Variants in ELOVL2 observed in about 807,000 individuals in gnomAD.
The protein encoded by ELOVL2 is very long chain fatty acid elongase 2.
In ELOVL2, 38 loss-of-function variants were observed where a neutral mutation model predicts 37.7. That is an observed-to-expected ratio of 1.01 (90% CI 0.78 to 1.32). ELOVL2 has a LOEUF of 1.32. ELOVL2 is among the 40% of genes most tolerant of loss of function. The probability of loss-of-function intolerance (pLI) is 0.00; values close to 1 mark genes in which losing one functional copy is unlikely to be tolerated. For synonymous variants in ELOVL2, 115 were observed against 122.3 expected (o/e 0.94, Z 0.40); for missense variants, 352 against 363.6 (o/e 0.97, Z 0.26).
chr6:11,021,899 G>C (rs1437838414), intron 1 of ELOVL2, among the ~76,000 whole-genome samples: 2 of 152,172 alleles, frequency 1.3e-5, no homozygotes, highest in Non-Finnish European at 2.9e-5. Flanking sequence ...CTACGCTTGA[G>C]AGGGAGCTCA....
intron 1 of ELOVL2, among the ~76,000 whole-genome samples, chr6:11,022,041 G>T (rs1422780016): frequency 6.6e-6 from 1 of 152,174 alleles, no homozygotes; most frequent in African/African-American, 2.4e-5. Flanking sequence ...ATTCTTCATG[G>T]CTCCATTCCC....
Position 11,013,994 on chromosome 6 carries a change from C to T in ELOVL2, c.4-3185G>A, listed in dbSNP as rs116184934. Among the ~76,000 whole-genome samples, 431 of 152,286 alleles carry T rather than the reference C, an allele frequency of 2.8e-3. 1 individual carries two copies. Among genetic ancestry groups the T allele is most frequent in the Non-Finnish European group, 4.6e-3 (316 of 68,024 alleles). Reference sequence around the variant, plus strand: ...TCTCTGCGAAATAACCCTAGATCCACTTCCAGAACAACTCCTTGCCCTTAC... The same window carrying T: ...TCTCTGCGAAATAACCCTAGATCCATTTCCAGAACAACTCCTTGCCCTTAC... On this transcript the variant is annotated intron_variant, in intron 1 of 7. Coordinates refer to ENST00000354666, the MANE Select transcript of ELOVL2 (RefSeq NM_017770.4).
chr6:11,036,407 AT>A (rs964511259), intron 1 of ELOVL2, among the ~76,000 whole-genome samples: 3 of 152,062 alleles, frequency 2.0e-5, no homozygotes, highest in South Asian at 4.2e-4. Context: ...GATATATGCC[AT>A]TTTTTTTAGG....
At chr6:11,014,985 A>G (rs539637728) in intron 1 of ELOVL2, among the ~76,000 whole-genome samples, 1 of 152,236 alleles carries the variant, frequency 6.6e-6, no homozygotes. Flanking sequence ...ATGTCCATCA[A>G]CAGGTGACAA....
chr6:10,992,183 G>A (rs978335199), intron 5 of ELOVL2, among the ~76,000 whole-genome samples: 11 of 152,052 alleles, frequency 7.2e-5, no homozygotes, highest in African/African-American at 2.4e-4. Flanking sequence ...TCTTCCCCCT[G>A]CACTCACAGC....
intron 1 of ELOVL2, among the ~76,000 whole-genome samples, chr6:11,036,664 T>C (rs886428660): frequency 1.3e-5 from 2 of 152,164 alleles, no homozygotes; most frequent in African/African-American, 4.8e-5. Flanking sequence ...TCAAGGAAGC[T>C]ACAGATCCAA....
At chr6:10,987,315 A>AT (rs530813422) in intron 7 of ELOVL2, among the ~76,000 whole-genome samples, 79 of 152,056 alleles carry the variant, frequency 5.2e-4, no homozygotes, top group Non-Finnish European at 9.6e-4. Flanking sequence ...GGATTCATTG[A>AT]TTTTTTGAAG....
At chr6:10,987,905 C>G (rs1438126058) in intron 7 of ELOVL2, among the ~76,000 whole-genome samples, 4 of 150,224 alleles carry the variant, frequency 2.7e-5, no homozygotes, top group Non-Finnish European at 5.9e-5. Context: ...TTTTTTAAAG[C>G]AATAGTATTA....
At chr6:10,990,188 A>G (rs897775764) in intron 6 of ELOVL2, 130 bp downstream of exon 6, 2 of 1,175,462 alleles carry the variant, frequency 1.7e-6, no homozygotes, top group Non-Finnish European at 2.4e-6. Context: ...TTTAATTCTT[A>G]AAAGGCCAAT....
intron 2 of ELOVL2, among the ~76,000 whole-genome samples, chr6:11,006,322 A>G (rs926309894): frequency 6.6e-6 from 1 of 152,254 alleles, no homozygotes; most frequent in Non-Finnish European, 1.5e-5. Flanking sequence ...CTTACACTGC[A>G]GAGTGAATAT....
chr6:10,994,451 AGAGT>A lies in ELOVL2; in HGVS notation c.505+552_505+555del, dbSNP rs551911572. On this transcript the variant is annotated intron_variant, in intron 5 of 7. Coordinates refer to ENST00000354666, the MANE Select transcript of ELOVL2 (RefSeq NM_017770.4). ...CCACTGCACTCCAGCCTGGGCAACA[AGAGT>A]GAAATTCCATCTCAAAAAAAAAAAA... is the stretch of plus-strand genomic sequence containing the variant. Among the ~76,000 whole-genome samples the A allele has an allele frequency of 3.8e-3, 564 of 147,800 alleles. 4 individuals carry two copies. Among genetic ancestry groups the A allele is most frequent in the Non-Finnish European group, 5.7e-3 (386 of 67,354 alleles).
intron 6 of ELOVL2, 81 bp downstream of exon 6, chr6:10,990,237 G>A: frequency 3.2e-6 from 5 of 1,543,214 alleles, no homozygotes; most frequent in Non-Finnish European, 4.4e-6. Context: ...CACATAAAAA[G>A]CCCTCTGACT....
chr6:10,995,421 C>T (rs1384954577), intron 4 of ELOVL2, among the ~76,000 whole-genome samples: 2 of 1,834 alleles, frequency 1.1e-3, no homozygotes, highest in East Asian at 0.17. Context: ...CCTCTGCATC[C>T]GCAGAACCCA....
intron 1 of ELOVL2, among the ~76,000 whole-genome samples, chr6:11,032,524 A>T (rs1420183137): frequency 6.6e-6 from 1 of 152,190 alleles, no homozygotes; most frequent in African/African-American, 2.4e-5. Context: ...TATTCCTCAA[A>T]CAATTACAAA....
Position 10,994,993 on chromosome 6 carries a change from A to C in ELOVL2, c.505+14T>G. The C allele has an allele frequency of 6.4e-7, 1 of 1,572,548 alleles. No individual in the cohort carries two copies. The highest frequency in any genetic ancestry group is 8.6e-7 in the Non-Finnish European group (1 of 1,159,674). On this transcript the variant is annotated intron_variant, in intron 5 of 7. Transcript: ENST00000354666. ...GCCATTCCTCAAAACGGAAAAATTA[A>C]CAAAATAACTTACTTTGTCCACAAG...
Position 10,982,234 on chromosome 6 carries a change from A to G in ELOVL2, c.*1547T>C, listed in dbSNP as rs763770166. On this transcript the variant is annotated 3_prime_UTR_variant, in exon 8 of 8. Coordinates refer to ENST00000354666, the MANE Select transcript of ELOVL2 (RefSeq NM_017770.4). ...CCAAATCCTCAGAGGGGCAGTTTAC[A>G]TGAAATAAAAGTACAATTTTTTTAA... 4 of 152,178 alleles carry G rather than the reference A, an allele frequency of 2.6e-5. No individual in the cohort carries two copies. The highest frequency in any genetic ancestry group is 5.9e-5 in the Non-Finnish European group (4 of 68,036). 9.4% of individuals were successfully genotyped at this position (152,178 alleles called of 1,614,324 possible). A position where few individuals can be genotyped will look rare whatever the true frequency, so the allele number is the denominator to read the frequency against.
In ELOVL2 at chr6:11,034,402, G is replaced by T. The variant is rs75736223; in HGVS notation, c.3+9826C>A. ...TTCACACATTTAAAAAACACTTACT[G>T]CCGGGCATGGTGGCTCACGCCTGTA... is the stretch of plus-strand genomic sequence containing the variant. On this transcript the variant is annotated intron_variant, in intron 1 of 7. Coordinates refer to ENST00000354666, the MANE Select transcript of ELOVL2 (RefSeq NM_017770.4). 6.5e-3 allele frequency among the ~76,000 whole-genome samples: 962 copies of T among 148,776 alleles called. 41 individuals are homozygous for T. The highest frequency in any genetic ancestry group is 0.014 in the Middle Eastern group (4 of 278).
rs778753765 is a variant in ELOVL2, at chr6:10,995,189, T to C, written c.334-11A>G. The C allele has an allele frequency of 6.3e-7, 1 of 1,588,568 alleles. No individual in the cohort carries two copies. Among genetic ancestry groups the C allele is most frequent in the Non-Finnish European group, 8.6e-7 (1 of 1,165,328 alleles). ...AAGCACCTTGGCTACCTATAGAAAT[T>C]TGTAAAGGGGAGAAAAGGGTGAGAA... is the stretch of plus-strand genomic sequence containing the variant. On this transcript the variant is annotated splice_polypyrimidine_tract_variant and intron_variant, in intron 4 of 7. Transcript: ENST00000354666.
chr6:11,000,320 T>C (rs1238562764), intron 3 of ELOVL2, among the ~76,000 whole-genome samples, 156 bp from the exon 4 acceptor site: 1 of 152,222 alleles, frequency 6.6e-6, no homozygotes, highest in East Asian at 1.9e-4. Context: ...AAACACCTAT[T>C]ATCAGGGGAC....
Sources: allele counts gnomAD v4.1 joint callset (sites outside exome capture counted in the v4.1 genomes callset), GRCh38; gene constraint gnomAD v4.1.1; transcripts MANE v1.5; gene names NCBI Gene and HGNC (gene_info 2026-07-23, HGNC 2026-07-21).